Variants in PIK3R3 observed in about 807,000 individuals in gnomAD.
PIK3R3 encodes the protein phosphoinositide-3-kinase regulatory subunit 3.
PIK3R3 carries 64 observed loss-of-function variants against 62.9 expected under a neutral mutation model. The observed-to-expected ratio is 1.02, with a 90% CI of 0.83 to 1.25. The LOEUF is 1.25. Among genes scored for constraint, PIK3R3 ranks in the 50% most tolerant of loss-of-function variants. The pLI is 0.00. For synonymous variants in PIK3R3, 165 were observed against 189.0 expected, an observed-to-expected ratio of 0.87 and a Z score of 1.04; for missense variants, 614 against 561.6, an observed-to-expected ratio of 1.09 and a Z score of -0.94.
chr1:46,135,627 T>A (rs1655901798), upstream of PIK3R3, among the ~76,000 whole-genome samples: 1 of 152,232 alleles, frequency 6.6e-6, no homozygotes, highest in Non-Finnish European at 1.5e-5. Context: ...GTGCTCTGAA[T>A]ATAGGGTATG....
the PIK3R3 span, among the ~76,000 whole-genome samples, chr1:46,149,762 G>C: frequency 1.3e-5 from 2 of 152,002 alleles, no homozygotes; most frequent in Non-Finnish European, 2.9e-5. Flanking sequence ...AACTCCTGAC[G>C]TCAAGGGATC....
chr1:46,137,672 C>T (rs190697719), upstream of PIK3R3, among the ~76,000 whole-genome samples: 41 of 152,330 alleles, frequency 2.7e-4, no homozygotes, highest in Admixed American at 1.2e-3. Flanking sequence ...GTGTTTGCTT[C>T]CAGTTCTCTC....
intron 2 of PIK3R3, 108 bp from the exon 3 acceptor site, chr1:46,077,721 G>A: frequency 3.0e-6 from 2 of 674,856 alleles, no homozygotes; most frequent in South Asian, 1.6e-5. Flanking sequence ...GGCAGTAGGT[G>A]TGCCTGAGGT....
chr1:46,132,778 A>G (rs1396963616), upstream of PIK3R3: 29 of 1,269,264 alleles, frequency 2.3e-5, no homozygotes, highest in Non-Finnish European at 2.9e-5. Context: ...TCCCGCCTCG[A>G]TGTACCGGGA....
chr1:46,062,944 C>T (rs552312807), intron 5 of PIK3R3, among the ~76,000 whole-genome samples: 2 of 152,262 alleles, frequency 1.3e-5, no homozygotes, highest in East Asian at 3.9e-4. Flanking sequence ...GCACCACACA[C>T]CTAGCTTAAG....
At chr1:46,171,865 G>A in the PIK3R3 span, among the ~76,000 whole-genome samples, 2 of 152,164 alleles carry the variant, frequency 1.3e-5, no homozygotes, top group Admixed American at 6.5e-5. Context: ...TTCTCTTCAC[G>A]GTCCAAAGGG....
upstream of PIK3R3, among the ~76,000 whole-genome samples, chr1:46,133,703 T>C (rs961304662): frequency 1.3e-5 from 2 of 152,098 alleles, no homozygotes; most frequent in African/African-American, 4.8e-5. Flanking sequence ...CATTTCGCAG[T>C]TCCTCTGTGC....
intron 7 of PIK3R3, among the ~76,000 whole-genome samples, chr1:46,047,425 G>A (rs185850252): frequency 2.2e-5 from 3 of 136,360 alleles, no homozygotes; most frequent in Non-Finnish European, 1.5e-5. Context: ...GCGACAGAAC[G>A]AGACTCCATC....
chr1:46,063,033 G>C (rs982541433), intron 5 of PIK3R3, among the ~76,000 whole-genome samples: 1 of 152,184 alleles, frequency 6.6e-6, no homozygotes, highest in Non-Finnish European at 1.5e-5. Flanking sequence ...TTTGTGAAAC[G>C]TGAAGTCTGC....
At chr1:46,113,422 T>C (rs772354569) in intron 1 of PIK3R3, among the ~76,000 whole-genome samples, 68 of 151,598 alleles carry the variant, frequency 4.5e-4, no homozygotes, top group Admixed American at 1.8e-3. Context: ...GCCTCCCAAG[T>C]AGCTGGGACT....
intron 3 of PIK3R3, among the ~76,000 whole-genome samples, chr1:46,072,813 C>T (rs1376644664): frequency 6.6e-6 from 1 of 151,898 alleles, no homozygotes; most frequent in Non-Finnish European, 1.5e-5. Flanking sequence ...AATTAGCCAC[C>T]AGGCATGGTG....
rs1655695238 is a variant in PIK3R3, at chr1:46,132,397, C to CA, written c.-446dup. The CA allele has an allele frequency of 3.6e-6, 4 of 1,124,404 alleles. No individual in the cohort carries two copies. Among genetic ancestry groups the CA allele is most frequent in the East Asian group, 7.9e-5 (1 of 12,666 alleles). The allele number at this position is 1,124,404 out of a possible 1,614,324, so 69.7% of individuals were successfully genotyped here. A position where few individuals can be genotyped will look rare whatever the true frequency, so the allele number is the denominator to read the frequency against. ...AACCCGGGCAAGTGACAAAGGAAGG[C>CA]AAAAAAGGGGGCTGGAGATTGCGTT... On this transcript the variant is annotated 5_prime_UTR_variant, in exon 1 of 10. Coordinates refer to ENST00000262741, the MANE Select transcript of PIK3R3 (RefSeq NM_003629.4).
the PIK3R3 span, among the ~76,000 whole-genome samples, chr1:46,170,659 G>T: frequency 6.6e-6 from 1 of 152,214 alleles, no homozygotes; most frequent in East Asian, 1.9e-4. Flanking sequence ...GACCTCAGGT[G>T]ATCCACCAGC....
intron 1 of PIK3R3, among the ~76,000 whole-genome samples, chr1:46,116,312 A>G (rs933213152): frequency 4.0e-5 from 6 of 151,754 alleles, no homozygotes; most frequent in African/African-American, 1.5e-4. Flanking sequence ...GGAGTTTGAG[A>G]CCATCCTGGG....
chr1:46,143,447 T>TCTTGTTTG, the PIK3R3 span, among the ~76,000 whole-genome samples: 3 of 151,602 alleles, frequency 2.0e-5, no homozygotes, highest in Non-Finnish European at 4.4e-5. Flanking sequence ...TTGAGTGTTT[T>TCTTGTTTG]GTTTTGTGTT....
At chr1:46,146,834 A>C in the PIK3R3 span, among the ~76,000 whole-genome samples, 3 of 152,234 alleles carry the variant, frequency 2.0e-5, no homozygotes, top group South Asian at 6.2e-4. Context: ...TGGACCACAC[A>C]GTCAAATGCC....
At chr1:46,109,149 C>T (rs957699114) in intron 1 of PIK3R3, among the ~76,000 whole-genome samples, 16 of 139,008 alleles carry the variant, frequency 1.2e-4, no homozygotes, top group East Asian at 4.2e-4. Flanking sequence ...GGTGACAAAG[C>T]GAGACTCTGT....
intron 1 of PIK3R3, among the ~76,000 whole-genome samples, chr1:46,124,900 C>T (rs761894614): frequency 3.3e-5 from 5 of 151,284 alleles, no homozygotes; most frequent in Admixed American, 6.6e-5. Context: ...GAGTTTGAGA[C>T]CAGTCTGGCC....
chr1:46,103,885 C>T (rs756744790), intron 1 of PIK3R3, among the ~76,000 whole-genome samples: 14 of 151,736 alleles, frequency 9.2e-5, no homozygotes, highest in East Asian at 2.0e-4. Flanking sequence ...TGAACCACCA[C>T]GCCCGGCCAT....
Sources: gnomAD v4.1 joint callset for allele counts (sites outside exome capture counted in the v4.1 genomes callset) on GRCh38, gnomAD v4.1.1 for gene constraint, MANE v1.5 for transcripts, NCBI Gene and HGNC (gene_info 2026-07-23, HGNC 2026-07-21) for gene names.